SRBD1: variants seen among roughly 807,000 people sequenced by gnomAD.
The protein encoded by SRBD1 is S1 RNA-binding domain-containing protein 1.
A neutral mutation model predicts 115.3 loss-of-function variants in SRBD1; 88 were observed. The ratio of observed to expected loss-of-function variants is 0.76; its 90% CI spans 0.64 to 0.91. The LOEUF (loss-of-function observed/expected upper bound fraction) is 0.91, where lower values mean the gene tolerates loss of function less well. Ranked by LOEUF, SRBD1 falls within the 40% of genes least tolerant of loss-of-function variation. The pLI, the probability that SRBD1 is intolerant of heterozygous loss-of-function variation, is 0.00. For synonymous variants in SRBD1, 509 were observed against 407.7 expected, an observed-to-expected ratio of 1.25 and a Z score of -2.99; for missense variants, 1,385 against 1,177.4, an observed-to-expected ratio of 1.18 and a Z score of -2.58.
At chr2:45,465,155 C>T (rs1167121649) in intron 16 of SRBD1, among the ~76,000 whole-genome samples, 1 of 151,952 alleles carries the variant, frequency 6.6e-6, no homozygotes, top group African/African-American at 2.4e-5. Context: ...TTGCATTTAA[C>T]CTATGCTGCA....
intron 14 of SRBD1, among the ~76,000 whole-genome samples, chr2:45,543,020 A>G (rs1021779690): frequency 1.3e-5 from 2 of 152,282 alleles, no homozygotes; most frequent in African/African-American, 4.8e-5. Flanking sequence ...AAGCAAAATG[A>G]GTGCCTACCA....
chr2:45,520,784 C>T (rs1348687662), intron 14 of SRBD1, among the ~76,000 whole-genome samples: 1 of 152,150 alleles, frequency 6.6e-6, no homozygotes, highest in Non-Finnish European at 1.5e-5. Context: ...AGATCATCTT[C>T]CCACTATATC....
At chr2:45,567,551 G>C (rs1300079685) in intron 9 of SRBD1, among the ~76,000 whole-genome samples, 2 of 152,014 alleles carry the variant, frequency 1.3e-5, no homozygotes, top group Non-Finnish European at 2.9e-5. Flanking sequence ...GAAACTTGCA[G>C]TGAGGTGGGA....
chr2:45,499,578 G>A (rs1277288631), intron 14 of SRBD1, among the ~76,000 whole-genome samples: 1 of 152,116 alleles, frequency 6.6e-6, no homozygotes, highest in Non-Finnish European at 1.5e-5. Context: ...CCAGACCACT[G>A]ATCGGCAGCA....
At position 45,491,867 on chromosome 2, in the gene SRBD1, G is replaced by C. The variant is rs1430747883; in HGVS notation, c.1875-3536C>G. ...GACAGAGTCTCACTCTGTCGCCCAG[G>C]CTGGAATGCAATGGCGCAATCTCGG... On this transcript the variant is annotated intron_variant, in intron 14 of 20. Transcript: ENST00000263736. 2.6e-5 allele frequency among the ~76,000 whole-genome samples: 4 copies of C among 152,178 alleles called. No homozygotes were observed. The East Asian group carries it at 7.7e-4, about 29-fold the overall frequency.
chr2:45,504,018 C>A (rs1204073728), intron 14 of SRBD1, among the ~76,000 whole-genome samples: 2 of 152,092 alleles, frequency 1.3e-5, no homozygotes, highest in African/African-American at 4.8e-5. Flanking sequence ...GCTTTCTTTA[C>A]TGAAGAACTA....
chr2:45,580,303 C>G (rs1673310458), intron 6 of SRBD1, among the ~76,000 whole-genome samples: 1 of 152,074 alleles, frequency 6.6e-6, no homozygotes, highest in African/African-American at 2.4e-5. Flanking sequence ...AAGCAAGCTC[C>G]TTTAAAAGTG....
chr2:45,419,990 C>T, intron 16 of SRBD1, 96 bp from the exon 17 acceptor site: 2 of 1,089,732 alleles, frequency 1.8e-6, no homozygotes, highest in Non-Finnish European at 2.7e-6. Context: ...AGCTAACACA[C>T]ACCATGGTAA....
chr2:45,462,353 C>T (rs1415060745), intron 16 of SRBD1, among the ~76,000 whole-genome samples: 1 of 152,126 alleles, frequency 6.6e-6, no homozygotes, highest in African/African-American at 2.4e-5. Flanking sequence ...CACTCACTTG[C>T]ACATCATGCC....
chr2:45,505,827 GAAAAACC>G (rs1210196415), intron 14 of SRBD1, among the ~76,000 whole-genome samples: 8 of 152,034 alleles, frequency 5.3e-5, no homozygotes, highest in African/African-American at 1.9e-4. Context: ...CATGACTTAG[GAAAAACC>G]TGATCTCTGG....
chr2:45,504,700 A>C (rs1189839516), intron 14 of SRBD1, among the ~76,000 whole-genome samples: 2 of 152,246 alleles, frequency 1.3e-5, no homozygotes, highest in East Asian at 1.9e-4. Flanking sequence ...TCTGTCCTTT[A>C]TTACTAATCA....
chr2:45,591,997 A>T (rs112423900), intron 4 of SRBD1, among the ~76,000 whole-genome samples: 2,855 of 152,190 alleles, frequency 0.019, 101 homozygotes, highest in African/African-American at 0.066. Flanking sequence ...GGAGGGACCC[A>T]GGGGGAGGTA....
At chr2:45,588,559 C>A (rs1452271654) in intron 4 of SRBD1, among the ~76,000 whole-genome samples, 3 of 152,188 alleles carry the variant, frequency 2.0e-5, no homozygotes, top group Non-Finnish European at 2.9e-5. Flanking sequence ...TCCCATAATA[C>A]TGTGGCCACC....
At chr2:45,500,205 T>C (rs1670584641) in intron 14 of SRBD1, among the ~76,000 whole-genome samples, 1 of 150,810 alleles carries the variant, frequency 6.6e-6, no homozygotes, top group Non-Finnish European at 1.5e-5. Flanking sequence ...GAAAAATCTT[T>C]GACTTCTTTG....
intron 12 of SRBD1, among the ~76,000 whole-genome samples, chr2:45,550,572 T>C (rs2104049895): frequency 6.7e-6 from 1 of 150,192 alleles, no homozygotes; most frequent in East Asian, 1.9e-4. Flanking sequence ...GCAAAAAATA[T>C]TCTTCAAAAA....
intron 12 of SRBD1, among the ~76,000 whole-genome samples, chr2:45,549,942 G>A (rs150019651): frequency 2.5e-4 from 38 of 152,032 alleles, no homozygotes; most frequent in African/African-American, 8.4e-4. Context: ...AACTGGGAAT[G>A]AATTCGAGAT....
chr2:45,568,342 C>G (rs1318039594), intron 9 of SRBD1, among the ~76,000 whole-genome samples: 1 of 152,154 alleles, frequency 6.6e-6, no homozygotes, highest in East Asian at 1.9e-4. Flanking sequence ...TCATCATTTG[C>G]ATTCATTTCT....
At chr2:45,420,034 G>A (rs182462760) in intron 16 of SRBD1, 140 bp from the exon 17 acceptor site, 59 of 725,288 alleles carry the variant, frequency 8.1e-5, no homozygotes, top group Non-Finnish European at 1.3e-4. Context: ...ACTGTTAGCA[G>A]AATTAAGCTA....
chr2:45,462,690 G>C (rs930764316), intron 16 of SRBD1, among the ~76,000 whole-genome samples: 3 of 151,814 alleles, frequency 2.0e-5, no homozygotes, highest in African/African-American at 4.8e-5. Context: ...GCCAGGCGTG[G>C]TGTCGGGCAC....
Sources: gnomAD v4.1 joint callset for allele counts (sites outside exome capture counted in the v4.1 genomes callset) on GRCh38, gnomAD v4.1.1 for gene constraint, MANE v1.5 for transcripts, NCBI Gene and HGNC (gene_info 2026-07-23, HGNC 2026-07-21) for gene names.